The following TXNRD1 variants were observed in gnomAD, a reference collection of about 807,000 sequenced individuals.
TXNRD1 encodes the protein thioredoxin reductase 1, cytoplasmic.
TXNRD1 carries 57 observed loss-of-function variants against 80.3 expected under a neutral mutation model. The ratio of observed to expected loss-of-function variants is 0.71; its 90% CI spans 0.57 to 0.89. TXNRD1 has a LOEUF of 0.89. Among genes scored for constraint, TXNRD1 ranks in the 40% least tolerant of loss-of-function variants. The pLI is 0.00. For synonymous variants in TXNRD1, 291 were observed against 285.2 expected (o/e 1.02, Z -0.20); for missense variants, 730 against 803.0 (o/e 0.91, Z 1.10).
chr12:104,256,674 G>A (rs1196566476), intron 2 of TXNRD1, among the ~76,000 whole-genome samples: 2 of 151,564 alleles, frequency 1.3e-5, no homozygotes, highest in East Asian at 1.9e-4. Flanking sequence ...ACCTAATTGG[G>A]TGGCTGAGGC....
At chr12:104,268,449 C>T (rs566205045) in intron 3 of TXNRD1, among the ~76,000 whole-genome samples, 361 of 151,752 alleles carry the variant, frequency 2.4e-3, no homozygotes, top group African/African-American at 8.0e-3. Context: ...GGCGTGAACC[C>T]GAGAGGCTGA....
intron 3 of TXNRD1, chr12:104,265,564 T>G: frequency 6.2e-7 from 1 of 1,608,230 alleles, no homozygotes; most frequent in Non-Finnish European, 8.5e-7. Context: ...GCGCTATGAC[T>G]CCCGGAGCGG....
At chr12:104,313,243 A>G (rs892719016), downstream of TXNRD1, 6 of 1,578,456 alleles carry the variant, frequency 3.8e-6, no homozygotes, top group Admixed American at 5.5e-5. Context: ...TTTATTTTCC[A>G]GGAGGCAGCC....
chr12:104,304,489 A>G (rs1385804404), intron 4 of TXNRD1: 4 of 1,614,010 alleles, frequency 2.5e-6, no homozygotes, highest in Non-Finnish European at 3.4e-6. Context: ...CAAAGCCCCG[A>G]CTTGAACACC....
intron 3 of TXNRD1, among the ~76,000 whole-genome samples, chr12:104,261,503 A>G (rs2033368110): frequency 6.6e-6 from 1 of 151,420 alleles, no homozygotes; most frequent in Non-Finnish European, 1.5e-5. Context: ...TTTCTCTATC[A>G]TTTTTCAGAC....
At chr12:104,340,763 C>A (rs772546698) in intron 16 of TXNRD1, among the ~76,000 whole-genome samples, 1 of 152,124 alleles carries the variant, frequency 6.6e-6, no homozygotes, top group Non-Finnish European at 1.5e-5. Flanking sequence ...TCTGCAAATA[C>A]CCTATTTCCA....
intron 1 of TXNRD1, among the ~76,000 whole-genome samples, chr12:104,249,717 C>G (rs2033070963): frequency 6.6e-6 from 1 of 151,940 alleles, no homozygotes. Flanking sequence ...GGGCAGATCA[C>G]GAGGTCAGGA....
At position 104,239,476 on chromosome 12, in the gene TXNRD1, T is replaced by C. The variant is rs2032813282; in HGVS notation, c.92-12051T>C. 4.6e-5 allele frequency among the ~76,000 whole-genome samples: 7 copies of C among 152,190 alleles called. No homozygotes were observed. In the South Asian group the frequency reaches 1.4e-3, roughly 32 times the overall value. On this transcript the variant is annotated intron_variant, in intron 1 of 16. Coordinates refer to ENST00000525566, the MANE Select transcript of TXNRD1 (RefSeq NM_001093771.3). ...TCACGAAGTACTGGGATTACACGTG[T>C]GAGCCACTGCACCTGGCCAAGAGTT...
At chr12:104,334,367 AT>A in intron 15 of TXNRD1, 35 bp downstream of exon 15, 1 of 1,292,672 alleles carries the variant, frequency 7.7e-7, no homozygotes, top group Non-Finnish European at 1.0e-6. Context: ...CAGTAATTTT[AT>A]TTAGTTGTTG....
intron 13 of TXNRD1, among the ~76,000 whole-genome samples, chr12:104,330,126 T>A (rs1165787462): frequency 6.6e-6 from 1 of 152,210 alleles, no homozygotes; most frequent in Non-Finnish European, 1.5e-5. Flanking sequence ...TATTTTTTTT[T>A]AGAGAAAATG....
At chr12:104,287,016 C>A (rs2033989552) in intron 3 of TXNRD1, 3 of 1,353,406 alleles carry the variant, frequency 2.2e-6, no homozygotes, top group Non-Finnish European at 2.9e-6. Flanking sequence ...GCAACCCTTT[C>A]ACCTCAGTTT....
chr12:104,303,778 A>AGGT, intron 4 of TXNRD1: 4 of 1,256,330 alleles, frequency 3.2e-6, no homozygotes, highest in Non-Finnish European at 4.2e-6. Flanking sequence ...GCCACTTTCC[A>AGGT]CACGCTGGGA....
At chr12:104,227,244 A>G (rs1313819144) in intron 1 of TXNRD1, among the ~76,000 whole-genome samples, 1 of 151,718 alleles carries the variant, frequency 6.6e-6, no homozygotes, top group African/African-American at 2.4e-5. Context: ...GTGTCCTTTT[A>G]ATTTTTTATT....
intron 1 of TXNRD1, among the ~76,000 whole-genome samples, chr12:104,250,428 A>G (rs1320618382): frequency 1.3e-5 from 2 of 152,246 alleles, no homozygotes; most frequent in Non-Finnish European, 2.9e-5. Context: ...ACTATATTTC[A>G]AAAAGACTTC....
intron 1 of TXNRD1, among the ~76,000 whole-genome samples, chr12:104,224,077 G>C (rs1489449142): frequency 1.3e-5 from 2 of 152,202 alleles, no homozygotes; most frequent in African/African-American, 2.4e-5. Flanking sequence ...CGTGTGACAA[G>C]TTTAGGTCTC....
intron 15 of TXNRD1, among the ~76,000 whole-genome samples, 195 bp downstream of exon 15, chr12:104,334,527 C>T (rs536670091): frequency 2.0e-5 from 3 of 152,252 alleles, no homozygotes; most frequent in African/African-American, 7.2e-5. Flanking sequence ...GGATTACAGA[C>T]TTGCGCCACC....
intron 1 of TXNRD1, among the ~76,000 whole-genome samples, chr12:104,243,415 G>A (rs2032916728): frequency 6.6e-6 from 1 of 152,144 alleles, no homozygotes; most frequent in South Asian, 2.1e-4. Flanking sequence ...ACCCATTTAA[G>A]CTTCCCCACT....
intron 4 of TXNRD1, chr12:104,305,046 CA>C (rs1170947573): frequency 4.4e-6 from 5 of 1,132,036 alleles, no homozygotes; most frequent in African/African-American, 1.6e-5. Context: ...AAAGTATTTT[CA>C]AGAACATCAG....
chr12:104,311,151 A>G (rs1440167052), intron 4 of TXNRD1, 139 bp from the exon 5 acceptor site: 2 of 977,172 alleles, frequency 2.0e-6, no homozygotes, highest in East Asian at 2.7e-5. Context: ...GAATATTTCC[A>G]TCTGTATGCT....
Sources: allele counts gnomAD v4.1 joint callset (sites outside exome capture counted in the v4.1 genomes callset), GRCh38; gene constraint gnomAD v4.1.1; transcripts MANE v1.5; gene names NCBI Gene and HGNC (gene_info 2026-07-23, HGNC 2026-07-21).